PBX1: variants seen among roughly 807,000 people sequenced by gnomAD.
PBX1 encodes PBX homeobox 1.
A neutral mutation model predicts 53.4 loss-of-function variants in PBX1; 6 were observed. The observed-to-expected ratio is 0.11, with a 90% CI of 0.06 to 0.22. The LOEUF (loss-of-function observed/expected upper bound fraction) is 0.22. Among genes scored for constraint, PBX1 ranks in the 10% least tolerant of loss-of-function variants. PBX1 has a pLI of 1.00. For missense variants in PBX1, 251 were observed against 551.4 expected (o/e 0.46, Z 5.46); for synonymous variants, 204 against 212.3 (o/e 0.96, Z 0.34).
chr1:164,719,465 G>A (rs1664285683), intron 2 of PBX1, among the ~76,000 whole-genome samples: 1 of 152,204 alleles, frequency 6.6e-6, no homozygotes, highest in Non-Finnish European at 1.5e-5. Context: ...AATTGGCTTT[G>A]TAAATATTGT....
intron 2 of PBX1, chr1:164,684,762 C>T (rs1220451556): frequency 6.6e-6 from 1 of 152,154 alleles, no homozygotes; most frequent in Non-Finnish European, 1.5e-5. Context: ...CTTATGTCAC[C>T]TTGTATTGGC....
chr1:164,853,066 G>A (rs981442933), downstream of PBX1, among the ~76,000 whole-genome samples: 2 of 152,160 alleles, frequency 1.3e-5, no homozygotes, highest in African/African-American at 2.4e-5. Context: ...TATAGCCTAA[G>A]GCAAATGTCC....
At chr1:164,782,299 G>T (rs1450232628) in intron 2 of PBX1, among the ~76,000 whole-genome samples, 2 of 152,150 alleles carry the variant, frequency 1.3e-5, no homozygotes, top group Non-Finnish European at 2.9e-5. Flanking sequence ...TTGCTGTTTG[G>T]CATCAGTGAC....
intron 2 of PBX1, among the ~76,000 whole-genome samples, chr1:164,752,610 A>T (rs966670501): frequency 9.9e-5 from 15 of 152,202 alleles, no homozygotes; most frequent in Non-Finnish European, 2.9e-5. Flanking sequence ...TATTAGGGGA[A>T]TAAAGTGATC....
intron 8 of PBX1, among the ~76,000 whole-genome samples, chr1:164,826,596 G>A (rs1299145950): frequency 6.6e-6 from 1 of 151,972 alleles, no homozygotes; most frequent in Non-Finnish European, 1.5e-5. Flanking sequence ...GTAGAGATGG[G>A]GTTTCACCAT....
chr1:164,660,222 C>T (rs1397047552), intron 2 of PBX1, among the ~76,000 whole-genome samples: 1 of 152,134 alleles, frequency 6.6e-6, no homozygotes, highest in African/African-American at 2.4e-5. Flanking sequence ...AAGGATTGCA[C>T]CTGGCTTTGA....
chr1:164,657,474 T>C (rs939323309), intron 2 of PBX1: 1 of 152,220 alleles, frequency 6.6e-6, no homozygotes, highest in Admixed American at 6.5e-5. Context: ...TAAGTAATAT[T>C]TACTTCAATC....
intron 2 of PBX1, among the ~76,000 whole-genome samples, chr1:164,578,241 A>G (rs1047944136): frequency 2.0e-5 from 3 of 152,216 alleles, no homozygotes; most frequent in African/African-American, 4.8e-5. Flanking sequence ...CTTTGTAAGT[A>G]GAGGTTATGG....
intron 1 of PBX1, among the ~76,000 whole-genome samples, chr1:164,561,069 C>A (rs1653005398): frequency 6.6e-6 from 1 of 152,060 alleles, no homozygotes; most frequent in Non-Finnish European, 1.5e-5. Context: ...TGCCCAAGGC[C>A]GAACTCAAAA....
intron 3 of PBX1, among the ~76,000 whole-genome samples, chr1:164,796,548 G>C (rs930082813): frequency 6.6e-5 from 10 of 152,176 alleles, no homozygotes; most frequent in Non-Finnish European, 2.9e-5. Context: ...TTGTTGATGA[G>C]ATTGGCAGCC....
intron 2 of PBX1, among the ~76,000 whole-genome samples, chr1:164,689,073 T>G (rs61801263): frequency 6.6e-6 from 1 of 152,172 alleles, no homozygotes; most frequent in Non-Finnish European, 1.5e-5. Flanking sequence ...GAATGAGTAA[T>G]TGGGACTCGC....
intron 8 of PBX1, among the ~76,000 whole-genome samples, chr1:164,834,867 A>G (rs1202975485): frequency 1.3e-5 from 2 of 152,216 alleles, no homozygotes; most frequent in African/African-American, 4.8e-5. Context: ...AAACAAAGAC[A>G]TGAGTTAGAT....
intron 2 of PBX1, among the ~76,000 whole-genome samples, chr1:164,664,869 A>G (rs1427721943): frequency 6.6e-6 from 1 of 151,220 alleles, no homozygotes; most frequent in Non-Finnish European, 1.5e-5. Context: ...CGTGGGAAAG[A>G]CCTGCCCCAT....
At chr1:164,616,343 T>C (rs1461437472) in intron 2 of PBX1, among the ~76,000 whole-genome samples, 2 of 152,138 alleles carry the variant, frequency 1.3e-5, no homozygotes, top group East Asian at 3.9e-4. Context: ...TCCTCCTTAC[T>C]CCTGCTCCTG....
chr1:164,645,927 T>C (rs1659429466), intron 2 of PBX1, among the ~76,000 whole-genome samples: 1 of 152,134 alleles, frequency 6.6e-6, no homozygotes, highest in African/African-American at 2.4e-5. Context: ...GTGGAAGACT[T>C]GGATCCAAGC....
At position 164,850,664 on chromosome 1, in the gene PBX1, G is replaced by A. The variant is rs955733613; in HGVS notation, c.*3988G>A. 1.4e-4 allele frequency: 26 copies of A among 192,496 alleles called. No individual in the cohort carries two copies. Among genetic ancestry groups the A allele is most frequent in the African/African-American group, 5.6e-4 (24 of 43,054 alleles). 11.9% of individuals were successfully genotyped at this position (192,496 alleles called of 1,614,324 possible). On this transcript the variant is annotated 3_prime_UTR_variant, in exon 9 of 9. Coordinates refer to ENST00000420696, the MANE Select transcript of PBX1 (RefSeq NM_002585.4). ...TCAGAATTCAGTTAATGCCAAAAGC[G>A]AAGATCAAGCCCATGTTGATGTCTC...
At chr1:164,608,292 G>A (rs778899092) in intron 2 of PBX1, among the ~76,000 whole-genome samples, 6 of 152,150 alleles carry the variant, frequency 3.9e-5, no homozygotes, top group Admixed American at 1.3e-4. Flanking sequence ...AGGAAGGCTC[G>A]CAACATCCTT....
chr1:164,753,600 G>A lies in PBX1; in HGVS notation c.266-38894G>A, dbSNP rs188673051. Among the ~76,000 whole-genome samples, 39 of 152,276 alleles carry A rather than the reference G, an allele frequency of 2.6e-4. 1 individual carries two copies. Among genetic ancestry groups the A allele is most frequent in the South Asian group, 2.1e-4 (1 of 4,828 alleles). On this transcript the variant is annotated intron_variant, in intron 2 of 8. Transcript: ENST00000420696. ...AGTTTGCAAGACCACACTTGACTTC[G>A]TGCAGGTCGGCCAGACCCATTTGTG...
rs540503458 is a variant in PBX1, at chr1:164,803,928, A to G, written c.702-3614A>G. 3.9e-5 allele frequency among the ~76,000 whole-genome samples: 6 copies of G among 152,332 alleles called. No homozygotes were observed. In the South Asian group the frequency reaches 1.2e-3, roughly 32 times the overall value. On this transcript the variant is annotated intron_variant, in intron 4 of 8. Transcript: ENST00000420696. ...CTGTAAAACAGGGATAATCCTGTAA[A>G]TAGGAATAAATATTAGTATAGTATC...
Sources: gnomAD v4.1 joint callset for allele counts (sites outside exome capture counted in the v4.1 genomes callset) on GRCh38, gnomAD v4.1.1 for gene constraint, MANE v1.5 for transcripts, NCBI Gene and HGNC (gene_info 2026-07-23, HGNC 2026-07-21) for gene names.